The following CENPK variants were observed in gnomAD, a reference collection of about 807,000 sequenced individuals.
CENPK encodes the protein centromere protein K.
CENPK carries 46 observed loss-of-function variants against 40.9 expected under a neutral mutation model. The observed-to-expected ratio is 1.13, with a 90% CI of 0.89 to 1.44. CENPK has a LOEUF of 1.44. Ranked by LOEUF, CENPK falls within the 40% of genes most tolerant of loss-of-function variation. The probability of loss-of-function intolerance (pLI) is 0.00; values close to 1 mark genes in which losing one functional copy is unlikely to be tolerated. For synonymous variants in CENPK, 107 were observed against 104.4 expected (o/e 1.02, Z -0.15); for missense variants, 288 against 303.5 (o/e 0.95, Z 0.38).
At chr5:65,553,151 A>T in intron 3 of CENPK, among the ~76,000 whole-genome samples, 1 of 152,190 alleles carries the variant, frequency 6.6e-6, no homozygotes, top group East Asian at 1.9e-4. Context: ...AAATACATTA[A>T]TAATATAAAG....
chr5:65,539,508 A>C (rs1027497627), intron 6 of CENPK, among the ~76,000 whole-genome samples: 1 of 152,248 alleles, frequency 6.6e-6, no homozygotes, highest in Non-Finnish European at 1.5e-5. Flanking sequence ...ACAATAGGGT[A>C]AACATTAAAT....
chr5:65,502,378 C>T, the CENPK span, among the ~76,000 whole-genome samples: 2 of 152,154 alleles, frequency 1.3e-5, no homozygotes, highest in Non-Finnish European at 2.9e-5. Context: ...CTGCTGCCTT[C>T]GCTCCACTTT....
chr5:65,552,407 A>G, intron 4 of CENPK, 86 bp downstream of exon 4: 1 of 822,568 alleles, frequency 1.2e-6, no homozygotes, highest in Non-Finnish European at 1.9e-6. Flanking sequence ...ATTAAACTTG[A>G]GAAAAATACA....
the CENPK span, among the ~76,000 whole-genome samples, chr5:65,497,171 C>A: frequency 6.6e-6 from 1 of 151,998 alleles, no homozygotes; most frequent in African/African-American, 2.4e-5. Context: ...AGTTCAAGAC[C>A]AGCCTGGCAA....
intron 10 of CENPK, among the ~76,000 whole-genome samples, chr5:65,520,426 A>G (rs1743508709): frequency 6.6e-6 from 1 of 152,188 alleles, no homozygotes; most frequent in Non-Finnish European, 1.5e-5. Flanking sequence ...GAATGGCCTA[A>G]CACAGATGGT....
At chr5:65,534,109 AAT>A (rs940069669) in intron 6 of CENPK, among the ~76,000 whole-genome samples, 1 of 151,862 alleles carries the variant, frequency 6.6e-6, no homozygotes, top group African/African-American at 2.4e-5. Flanking sequence ...AATACCATTT[AAT>A]AGTCAAAATT....
intron 8 of CENPK, 91 bp downstream of exon 8, chr5:65,528,828 C>T: frequency 1.1e-6 from 1 of 937,848 alleles, no homozygotes; most frequent in Middle Eastern, 3.4e-4. Flanking sequence ...ACTCCTGATT[C>T]CTGGTAACAT....
At chr5:65,537,551 T>C (rs569997980) in intron 6 of CENPK, among the ~76,000 whole-genome samples, 1 of 152,100 alleles carries the variant, frequency 6.6e-6, no homozygotes, top group Non-Finnish European at 1.5e-5. Context: ...CTGCCCACCT[T>C]GGCTTCCCAA....
chr5:65,559,671 C>T (rs1751629861), intron 2 of CENPK, among the ~76,000 whole-genome samples: 1 of 151,308 alleles, frequency 6.6e-6, no homozygotes, highest in South Asian at 2.1e-4. Flanking sequence ...GCACAAAGGG[C>T]CAAAACTAGC....
In CENPK at chr5:65,518,361, A is replaced by T; in HGVS notation, c.*114T>A. ...GCACATGCCATTTTGCAATAAAAGT[A>T]AGATGGCCTATGCGCATTAATTTGC... On this transcript the variant is annotated 3_prime_UTR_variant, in exon 11 of 11. Transcript: ENST00000396679. 1 of 1,046,992 alleles carries T rather than the reference A, an allele frequency of 9.6e-7. No individual in the cohort carries two copies. The highest frequency in any genetic ancestry group is 1.5e-5 in the South Asian group (1 of 67,874). 64.9% of individuals were successfully genotyped at this position (1,046,992 alleles called of 1,614,324 possible).
At chr5:65,554,589 G>A (rs1046316982) in intron 3 of CENPK, among the ~76,000 whole-genome samples, 5 of 152,192 alleles carry the variant, frequency 3.3e-5, no homozygotes, top group South Asian at 2.1e-4. Flanking sequence ...ATCTCCTTGG[G>A]AGCATGGATT....
At chr5:65,510,283 G>T in the CENPK span, among the ~76,000 whole-genome samples, 5 of 152,290 alleles carry the variant, frequency 3.3e-5, 1 homozygote, top group South Asian at 1.0e-3. Context: ...CATATGAATG[G>T]TAAGAAAGTG....
the CENPK span, among the ~76,000 whole-genome samples, chr5:65,504,808 C>A: frequency 1.3e-5 from 2 of 152,152 alleles, no homozygotes. Context: ...GTGCTCACGG[C>A]TGATTCCTTA....
intron 5 of CENPK, among the ~76,000 whole-genome samples, chr5:65,544,469 T>C (rs543037260): frequency 6.6e-6 from 1 of 152,222 alleles, no homozygotes; most frequent in South Asian, 2.1e-4. Flanking sequence ...TTATGGAAAA[T>C]AGTATAGGTG....
the CENPK span, among the ~76,000 whole-genome samples, chr5:65,509,881 T>C: frequency 3.9e-5 from 6 of 152,380 alleles, no homozygotes; most frequent in South Asian, 1.2e-3. Flanking sequence ...GTTATGTTGA[T>C]GTGTAATCAC....
chr5:65,532,391 C>A (rs1561643041), intron 6 of CENPK, among the ~76,000 whole-genome samples: 1 of 152,030 alleles, frequency 6.6e-6, no homozygotes, highest in Admixed American at 6.5e-5. Context: ...AGAATACTTC[C>A]TAATTTGTTC....
intron 9 of CENPK, among the ~76,000 whole-genome samples, chr5:65,522,894 C>G (rs1005994952): frequency 6.6e-6 from 1 of 152,184 alleles, no homozygotes; most frequent in East Asian, 1.9e-4. Context: ...TTCATAATTA[C>G]GGAGACTGGA....
intron 10 of CENPK, among the ~76,000 whole-genome samples, chr5:65,521,173 A>AT (rs1481098344): frequency 1.3e-5 from 2 of 152,034 alleles, no homozygotes; most frequent in Non-Finnish European, 2.9e-5. Context: ...CATTAAAAAA[A>AT]TTTTTTCACC....
intron 10 of CENPK, among the ~76,000 whole-genome samples, chr5:65,519,815 ATAT>A (rs1743391802): frequency 6.6e-6 from 1 of 152,202 alleles, no homozygotes; most frequent in Admixed American, 6.5e-5. Context: ...ATAGAATTAA[ATAT>A]TATTTGTATT....
Sources: gnomAD v4.1 joint callset for allele counts (sites outside exome capture counted in the v4.1 genomes callset) on GRCh38, gnomAD v4.1.1 for gene constraint, MANE v1.5 for transcripts, NCBI Gene and HGNC (gene_info 2026-07-23, HGNC 2026-07-21) for gene names.